RAB3C: variants seen among roughly 807,000 people sequenced by gnomAD.
RAB3C encodes ras-related protein Rab-3C.
Under a neutral mutation model 26.4 loss-of-function variants are expected in RAB3C, and 17 were observed. The ratio of observed to expected loss-of-function variants is 0.64; its 90% confidence interval spans 0.44 to 0.97. The LOEUF is 0.97. Among genes scored for constraint, RAB3C ranks in the 50% least tolerant of loss-of-function variants. The pLI, the probability that RAB3C is intolerant of heterozygous loss-of-function variation, is 0.00. For missense variants in RAB3C, 242 were observed against 281.9 expected, an observed-to-expected ratio of 0.86 and a Z score of 1.01; for synonymous variants, 91 against 95.9, an observed-to-expected ratio of 0.95 and a Z score of 0.30.
chr5:58,737,325 A>G (rs1188790903), intron 3 of RAB3C, among the ~76,000 whole-genome samples: 5 of 142,672 alleles, frequency 3.5e-5, no homozygotes, highest in Admixed American at 7.2e-5. Context: ...TCATATTGCA[A>G]CCTTCTGCAG....
At chr5:58,732,258 T>C (rs914084166) in intron 3 of RAB3C, among the ~76,000 whole-genome samples, 6 of 151,734 alleles carry the variant, frequency 4.0e-5, no homozygotes, top group Admixed American at 3.9e-4. Context: ...ATGAGATTGC[T>C]GAAAACCAAG....
chr5:58,619,518 A>G (rs564897996), intron 2 of RAB3C, among the ~76,000 whole-genome samples: 11 of 152,334 alleles, frequency 7.2e-5, no homozygotes, highest in African/African-American at 2.2e-4. Flanking sequence ...TTTGGAAACG[A>G]TACATCCCTT....
At chr5:58,798,666 C>T (rs534622197) in intron 3 of RAB3C, among the ~76,000 whole-genome samples, 83 of 152,206 alleles carry the variant, frequency 5.5e-4, no homozygotes, top group African/African-American at 1.6e-3. Context: ...GAGTATGAAA[C>T]GTAAATGAAT....
At chr5:58,735,386 A>G (rs1741111062) in intron 3 of RAB3C, among the ~76,000 whole-genome samples, 1 of 152,208 alleles carries the variant, frequency 6.6e-6, no homozygotes. Flanking sequence ...TTTAGCAAGC[A>G]GGTGAATCTG....
At chr5:58,768,117 G>A (rs1236601517) in intron 3 of RAB3C, among the ~76,000 whole-genome samples, 1 of 152,136 alleles carries the variant, frequency 6.6e-6, no homozygotes, top group Non-Finnish European at 1.5e-5. Context: ...GGTGGAAGAA[G>A]ACAGGTCAGA....
rs1206716376 is a variant in RAB3C at position 58,797,339 on chromosome 5, CAA to C, written c.372-27685_372-27684del. ...CAAGGATATCAGACTCCCTGGAAGA[CAA>C]AAAAAAAAAAAAATATGTATATATA... On this transcript the variant is annotated intron_variant, in intron 3 of 4. Coordinates refer to ENST00000282878, the MANE Select transcript of RAB3C (RefSeq NM_138453.4). Among the ~76,000 whole-genome samples, 84 of 12,736 alleles carry C rather than the reference CAA, an allele frequency of 6.6e-3. 1 individual carries two copies. The highest frequency in any genetic ancestry group is 9.6e-3 in the African/African-American group (45 of 4,676). 8.4% of individuals were successfully genotyped at this position (12,736 alleles called of 152,430 possible). A position where few individuals can be genotyped will look rare whatever the true frequency, so the allele number is the denominator to read the frequency against.
At chr5:58,697,673 T>C (rs1481486892) in intron 2 of RAB3C, among the ~76,000 whole-genome samples, 1 of 152,236 alleles carries the variant, frequency 6.6e-6, no homozygotes, top group Non-Finnish European at 1.5e-5. Flanking sequence ...TTTACCATTA[T>C]GTAACGGTCT....
chr5:58,654,802 A>G (rs1430675541), intron 2 of RAB3C, among the ~76,000 whole-genome samples: 1 of 152,112 alleles, frequency 6.6e-6, no homozygotes, highest in Non-Finnish European at 1.5e-5. Flanking sequence ...ATTCAGACTC[A>G]TTTGTTCATG....
At chr5:58,723,040 T>C (rs1740810315) in intron 2 of RAB3C, among the ~76,000 whole-genome samples, 1 of 151,852 alleles carries the variant, frequency 6.6e-6, no homozygotes, top group African/African-American at 2.4e-5. Context: ...ATTTAACTTT[T>C]TTAGTGATTT....
intron 2 of RAB3C, among the ~76,000 whole-genome samples, chr5:58,691,479 G>A (rs969108551): frequency 7.1e-6 from 1 of 141,210 alleles, no homozygotes; most frequent in Admixed American, 7.2e-5. Flanking sequence ...ACAGACGTAA[G>A]GAGAAACCAG....
chr5:58,837,723 T>A (rs1363417928), intron 4 of RAB3C, among the ~76,000 whole-genome samples: 1 of 150,564 alleles, frequency 6.6e-6, no homozygotes, highest in Non-Finnish European at 1.5e-5. Context: ...CACACCCAGA[T>A]AATTTTTAAG....
At chr5:58,703,695 A>C (rs1748892582) in intron 2 of RAB3C, among the ~76,000 whole-genome samples, 1 of 152,150 alleles carries the variant, frequency 6.6e-6, no homozygotes, top group South Asian at 2.1e-4. Context: ...AAAAGCTCAG[A>C]TTCCCATGCT....
chr5:58,713,215 A>G (rs1384069379), intron 2 of RAB3C, among the ~76,000 whole-genome samples: 1 of 152,172 alleles, frequency 6.6e-6, no homozygotes, highest in Non-Finnish European at 1.5e-5. Flanking sequence ...AGTCAACAAC[A>G]TAAAGACAGC....
At chr5:58,730,993 C>G (rs1403198488) in intron 3 of RAB3C, among the ~76,000 whole-genome samples, 1 of 152,064 alleles carries the variant, frequency 6.6e-6, no homozygotes, top group African/African-American at 2.4e-5. Flanking sequence ...TTTATAAAAC[C>G]ATCAGATCTC....
intron 3 of RAB3C, chr5:58,822,753 A>C: frequency 1.9e-6 from 1 of 534,676 alleles, no homozygotes; most frequent in East Asian, 4.2e-5. Context: ...ATGGTACATG[A>C]ACTACCAAAA....
At chr5:58,791,058 T>C (rs1742512827) in intron 3 of RAB3C, among the ~76,000 whole-genome samples, 1 of 104,562 alleles carries the variant, frequency 9.6e-6, no homozygotes, top group Non-Finnish European at 2.2e-5. Context: ...TACATATAAT[T>C]TTTGACATTA....
At chr5:58,593,411 T>C (rs952428234) in intron 1 of RAB3C, among the ~76,000 whole-genome samples, 3 of 152,166 alleles carry the variant, frequency 2.0e-5, no homozygotes, top group Non-Finnish European at 2.9e-5. Flanking sequence ...AAAAAGGTGA[T>C]AGAGAAATGT....
In RAB3C at chr5:58,663,519, G is replaced by A. The variant is rs1244090439; in HGVS notation, c.252+45649G>A. The stretch of plus-strand genomic sequence containing the variant: ...AATTTCAAGTTTAAAATATTAAAAT[G>A]TAACTAAATTCATTTGGATGAAATA... On this transcript the variant is annotated intron_variant, in intron 2 of 4. Coordinates refer to ENST00000282878, the MANE Select transcript of RAB3C (RefSeq NM_138453.4). 1.3e-5 allele frequency among the ~76,000 whole-genome samples: 2 copies of A among 150,214 alleles called. 1 individual carries two copies. Among genetic ancestry groups the A allele is most frequent in the African/African-American group, 5.0e-5 (2 of 39,616 alleles).
chr5:58,645,561 G>A (rs1348968326), intron 2 of RAB3C, among the ~76,000 whole-genome samples: 1 of 152,136 alleles, frequency 6.6e-6, no homozygotes, highest in Non-Finnish European at 1.5e-5. Context: ...CCTTTGCCAG[G>A]CATCGTGTTC....
Sources: gnomAD v4.1 joint callset for allele counts (sites outside exome capture counted in the v4.1 genomes callset) on GRCh38, gnomAD v4.1.1 for gene constraint, MANE v1.5 for transcripts, NCBI Gene and HGNC (gene_info 2026-07-23, HGNC 2026-07-21) for gene names.